The following ZNF208 variants were observed in gnomAD, a reference collection of about 807,000 sequenced individuals.
ZNF208 encodes zinc finger protein 95.
In ZNF208, 10 loss-of-function variants were observed where a neutral mutation model predicts 12.1. The observed-to-expected ratio is 0.83, with a 90% CI of 0.51 to 1.40. The LOEUF (loss-of-function observed/expected upper bound fraction) is 1.40, where lower values mean the gene tolerates loss of function less well. Among genes scored for constraint, ZNF208 ranks in the 40% most tolerant of loss-of-function variants. The pLI, the probability that ZNF208 is intolerant of heterozygous loss-of-function variation, is 0.00. For synonymous variants in ZNF208, 497 were observed against 488.4 expected, an observed-to-expected ratio of 1.02 and a Z score of -0.23; for missense variants, 1,652 against 1,485.0, an observed-to-expected ratio of 1.11 and a Z score of -1.85.
chr19:21,996,653 C>A (rs1970840149), intron 1 of ZNF208, among the ~76,000 whole-genome samples: 1 of 152,026 alleles, frequency 6.6e-6, no homozygotes. Flanking sequence ...ATAGGTGTTA[C>A]CTGAACATTT....
At chr19:21,953,274 AG>A in intron 4 of ZNF208, among the ~76,000 whole-genome samples, 1 of 152,296 alleles carries the variant, frequency 6.6e-6, no homozygotes, top group African/African-American at 2.4e-5. Context: ...TCCCCAACCT[AG>A]CAAGGCAGGC....
In ZNF208 at chr19:21,972,018, A is replaced by T. The variant is rs779008329; in HGVS notation, c.3016T>A (p.Cys1006Ser). The part of the protein sequence containing the change: ...TGEKPYKCEE[C>S]GKAFNWSSNL... ...GATGACCAGTTGAAAGCTTTGCCACATTCTTCACATTTGTAGGGTTTCTCT... is the reference window on the plus strand; with the variant it reads ...GATGACCAGTTGAAAGCTTTGCCACTTTCTTCACATTTGTAGGGTTTCTCT... The change falls in exon 4 of 4, where the codon TGT becomes AGT. Residue 1006 changes from cysteine to serine, a missense_variant. Physicochemically the swap from Cys to Ser is moderately radical, Grantham distance 112. Around this residue, in one of 3 missense-constraint regions of ZNF208, gnomAD observed 1,239 missense variants for 1,086.2 expected, o/e 1.14. Transcript: ENST00000397126. 1 of 1,613,830 alleles carries T rather than the reference A, an allele frequency of 6.2e-7. No homozygotes were observed. The highest frequency in any genetic ancestry group is 2.2e-5 in the East Asian group (1 of 44,842).
Position 21,966,457 on chromosome 19 carries a change from C to T in ZNF208, c.*4734G>A, listed in dbSNP as rs987476083. 2 of 152,050 alleles carry T rather than the reference C, an allele frequency of 1.3e-5. No homozygotes were observed. Among genetic ancestry groups the T allele is most frequent in the African/African-American group, 4.8e-5 (2 of 41,408 alleles). 9.4% of individuals were successfully genotyped at this position (152,050 alleles called of 1,614,324 possible). A position where few individuals can be genotyped will look rare whatever the true frequency, so the allele number is the denominator to read the frequency against. On this transcript the variant is annotated 3_prime_UTR_variant, in exon 4 of 4. Coordinates refer to ENST00000397126, the MANE Select transcript of ZNF208 (RefSeq NM_007153.3). ...GTTACTTCATTCTCTTCTGTTGCTGCATAGTATTGGAGGTTGTATAAGTAC... is the reference window on the plus strand; with the variant it reads ...GTTACTTCATTCTCTTCTGTTGCTGTATAGTATTGGAGGTTGTATAAGTAC...
chr19:21,962,362 CTG>C (rs1179350446), downstream of ZNF208, among the ~76,000 whole-genome samples: 1 of 152,098 alleles, frequency 6.6e-6, no homozygotes, highest in African/African-American at 2.4e-5. Flanking sequence ...CTTATATTAA[CTG>C]TGAGTTATAC....
intron 4 of ZNF208, chr19:21,940,036 G>A (rs1392196194): frequency 1.3e-5 from 2 of 152,076 alleles, no homozygotes; most frequent in Non-Finnish European, 2.9e-5. Context: ...GGCTCGGTGG[G>A]GTGGCTCATA....
intron 1 of ZNF208, among the ~76,000 whole-genome samples, chr19:21,993,560 A>G (rs1248012724): frequency 6.6e-6 from 1 of 152,092 alleles, no homozygotes; most frequent in Non-Finnish European, 1.5e-5. Flanking sequence ...ATGAGCTTAT[A>G]AAATCACTTG....
rs1480033065 is a variant in ZNF208, at chr19:22,000,908, TAAAC to T, written c.3+9880_3+9883del. On this transcript the variant is annotated intron_variant, in intron 1 of 3. Transcript: ENST00000397126. The stretch of plus-strand genomic sequence containing the variant: ...AATATACTGAAGTCTGCTATGCATA[TAAAC>T]AAACAAACAAACGAAATCTAGAAGA... 2.1e-4 allele frequency among the ~76,000 whole-genome samples: 32 copies of T among 152,214 alleles called. No homozygotes were observed. In the South Asian group the frequency reaches 4.1e-3, roughly 20 times the overall value.
intron 4 of ZNF208, among the ~76,000 whole-genome samples, chr19:21,948,989 C>A (rs2145514605): frequency 6.6e-6 from 1 of 152,260 alleles, no homozygotes; most frequent in African/African-American, 2.4e-5. Flanking sequence ...AGAAAGCTTG[C>A]AAAGAACCAC....
At chr19:22,010,405 A>G (rs1265530155) in intron 1 of ZNF208, among the ~76,000 whole-genome samples, 1 of 152,136 alleles carries the variant, frequency 6.6e-6, no homozygotes, top group East Asian at 1.9e-4. Flanking sequence ...TAAATTTTTA[A>G]TAGGAGAAAA....
At chr19:21,964,894 A>G (rs1169987140), downstream of ZNF208, among the ~76,000 whole-genome samples, 2 of 151,938 alleles carry the variant, frequency 1.3e-5, no homozygotes, top group Non-Finnish European at 2.9e-5. Flanking sequence ...AGATATATAA[A>G]GTTTCTTTTA....
At chr19:21,941,077 G>A in intron 4 of ZNF208, 1 of 311,376 alleles carries the variant, frequency 3.2e-6, no homozygotes, top group Non-Finnish European at 5.8e-6. Flanking sequence ...CAGAGGAGGC[G>A]GTAGCCGTGG....
At chr19:21,942,627 G>A (rs1969758687) in intron 4 of ZNF208, among the ~76,000 whole-genome samples, 1 of 152,064 alleles carries the variant, frequency 6.6e-6, no homozygotes, top group African/African-American at 2.4e-5. Flanking sequence ...TTTTCAGTGT[G>A]TTTGTATGAC....
rs1209548605 is a variant in ZNF208 at position 21,966,783 on chromosome 19, A to G, written c.*4408T>C. 6.6e-6 allele frequency: 1 copy of G among 152,112 alleles called. No homozygotes were observed. The highest frequency in any genetic ancestry group is 2.4e-5 in the African/African-American group (1 of 41,438). The allele number at this position is 152,112 out of a possible 1,614,324, so 9.4% of individuals were successfully genotyped here. A position where few individuals can be genotyped will look rare whatever the true frequency, so the allele number is the denominator to read the frequency against. On this transcript the variant is annotated 3_prime_UTR_variant, in exon 4 of 4. Coordinates refer to ENST00000397126, the MANE Select transcript of ZNF208 (RefSeq NM_007153.3). Reference sequence around the variant, plus strand: ...CAACATCTTATTTATCTTACTTTTAATAAGTCATTCTTACTGGTATGAAAT... The same window carrying G: ...CAACATCTTATTTATCTTACTTTTAGTAAGTCATTCTTACTGGTATGAAAT...
In ZNF208 at chr19:22,010,839, C is replaced by T. The variant is rs1410151616; in HGVS notation, c.-45G>A. 1.9e-6 allele frequency: 3 copies of T among 1,613,252 alleles called. No homozygotes were observed. The Admixed American group carries it at 5.0e-5, about 27-fold the overall frequency. On this transcript the variant is annotated 5_prime_UTR_variant, in exon 1 of 4. An upstream open reading frame in the 5' UTR gains an earlier in-frame stop. Transcript: ENST00000397126. ...CCTGGCGACTTAGTTGTGGATCTCC[C>T]AATACCTGCAGGTCATAGGGCCACA...
Position 21,968,102 on chromosome 19 carries a change from T to C in ZNF208, c.*3089A>G, listed in dbSNP as rs2145538858. ...TGCTGATTTTGTATTCTAAGATTTTTTTTGAAGTCTTTTTCCAGGCTTAGA... is the reference window on the plus strand; with the variant it reads ...TGCTGATTTTGTATTCTAAGATTTTCTTTGAAGTCTTTTTCCAGGCTTAGA... On this transcript the variant is annotated 3_prime_UTR_variant, in exon 4 of 4. Transcript: ENST00000397126. 1 of 152,280 alleles carries C rather than the reference T, an allele frequency of 6.6e-6. No individual in the cohort carries two copies. Among genetic ancestry groups the C allele is most frequent in the South Asian group, 2.1e-4 (1 of 4,826 alleles). The allele number at this position is 152,280 out of a possible 1,614,324, so 9.4% of individuals were successfully genotyped here.
chr19:21,956,458 G>C (rs1969979278), intron 4 of ZNF208, among the ~76,000 whole-genome samples: 2 of 152,220 alleles, frequency 1.3e-5, no homozygotes, highest in South Asian at 4.1e-4. Context: ...GAGGCAGGCA[G>C]GCCTCCTTGA....
intron 4 of ZNF208, among the ~76,000 whole-genome samples, chr19:21,955,288 A>C (rs1250377499): frequency 6.6e-6 from 1 of 152,080 alleles, no homozygotes; most frequent in African/African-American, 2.4e-5. Flanking sequence ...ACTTTGATGA[A>C]TCTGACGATT....
chr19:21,987,837 T>C (rs1208276650), intron 2 of ZNF208, among the ~76,000 whole-genome samples: 1 of 152,158 alleles, frequency 6.6e-6, no homozygotes, highest in Admixed American at 6.5e-5. Context: ...GCTTCTTAGA[T>C]CTAAGTGATT....
chr19:21,943,960 T>A (rs1314227309), intron 4 of ZNF208, among the ~76,000 whole-genome samples: 1 of 152,246 alleles, frequency 6.6e-6, no homozygotes, highest in South Asian at 2.1e-4. Flanking sequence ...TTGTCTGTAA[T>A]GTCAGCTTCC....
Sources: gnomAD v4.1 joint callset for allele counts (sites outside exome capture counted in the v4.1 genomes callset) on GRCh38, gnomAD v4.1.1 for gene constraint, gnomAD v4.1.1 regional missense constraint, MANE v1.5 for transcripts, NCBI Gene and HGNC (gene_info 2026-07-23, HGNC 2026-07-21) for gene names.